The following NAA38 variants were observed in gnomAD, a reference collection of about 807,000 sequenced individuals.
NAA38 encodes the protein N-alpha-acetyltransferase 38, NatC auxiliary subunit, also known as LSM domain containing 1.
Under a neutral mutation model 12.6 loss-of-function variants are expected in NAA38, and 15 were observed. The observed-to-expected ratio is 1.19, with a 90% CI of 0.79 to 1.83. NAA38 has a LOEUF of 1.83. Ranked by LOEUF, NAA38 falls within the 40% of genes most tolerant of loss-of-function variation. NAA38 has a pLI of 0.00. For missense variants in NAA38, 183 were observed against 171.7 expected (o/e 1.07, Z -0.37); for synonymous variants, 88 against 69.9 (o/e 1.26, Z -1.29).
At chr17:7,875,352 T>C (rs74906508) in intron 2 of NAA38, among the ~76,000 whole-genome samples, 1 of 152,118 alleles carries the variant, frequency 6.6e-6, no homozygotes, top group Non-Finnish European at 1.5e-5. Flanking sequence ...GTTTTTTTTT[T>C]AGAGACAGAG....
intron 2 of NAA38, among the ~76,000 whole-genome samples, chr17:7,874,339 G>C (rs558368026): frequency 1.3e-5 from 2 of 152,212 alleles, no homozygotes; most frequent in East Asian, 3.9e-4. Flanking sequence ...TGGCTAGAAA[G>C]GTCTCTGGAA....
intron 2 of NAA38, among the ~76,000 whole-genome samples, chr17:7,873,387 C>T (rs968878675): frequency 1.3e-5 from 2 of 152,040 alleles, no homozygotes; most frequent in African/African-American, 4.8e-5. Context: ...TTTTCAGCAA[C>T]CAGGAGGTTG....
At chr17:7,880,661 CTG>C (rs144987301) in intron 2 of NAA38, among the ~76,000 whole-genome samples, 5,239 of 152,298 alleles carry the variant, frequency 0.034, 135 homozygotes, top group South Asian at 0.1. Context: ...TCTACCTACT[CTG>C]TGTGCATGTA....
chr17:7,876,298 C>T (rs574849989), intron 2 of NAA38, among the ~76,000 whole-genome samples: 1 of 152,218 alleles, frequency 6.6e-6, no homozygotes, highest in African/African-American at 2.4e-5. Context: ...ACCATAACAA[C>T]ACTACCTGGT....
At chr17:7,861,272 T>C (rs1279100873), upstream of NAA38, 4 of 152,088 alleles carry the variant, frequency 2.6e-5, no homozygotes, top group Non-Finnish European at 5.9e-5. Context: ...TGGTGGGCTA[T>C]ATAGGCATTT....
intron 2 of NAA38, chr17:7,866,611 G>C (rs1966988019): frequency 2.2e-6 from 2 of 910,114 alleles, no homozygotes; most frequent in Non-Finnish European, 2.9e-6. Context: ...CTGTTCCTCT[G>C]TGTGGAACAA....
upstream of NAA38, chr17:7,857,768 G>A: frequency 1.6e-6 from 2 of 1,273,214 alleles, no homozygotes; most frequent in Non-Finnish European, 2.0e-6. Context: ...CTCCTCCCTT[G>A]TTTTTCTGTC....
In NAA38 at chr17:7,880,435, G is replaced by C. The variant is rs372801082; in HGVS notation, c.-66+2800C>G. ...AAGTTTTATTATCATCTTTTTCAAA[G>C]AGACCTGGTTAGAGGTTGTGTCTTT... On this transcript the variant is annotated intron_variant, in intron 2 of 4. Coordinates refer to the NAA38 transcript ENST00000576861. 4.9e-4 allele frequency among the ~76,000 whole-genome samples: 74 copies of C among 152,272 alleles called. 1 individual carries two copies. The highest frequency in any genetic ancestry group is 1.6e-3 in the African/African-American group (67 of 41,556).
Position 7,857,162 on chromosome 17 carries a change from G to T in NAA38, c.118C>A (p.Arg40Ser), listed in dbSNP as rs375549790. 3.5e-4 allele frequency: 569 copies of T among 1,612,906 alleles called. 7 individuals carry two copies. In the South Asian group the frequency reaches 6.1e-3, roughly 17 times the overall value. The change falls in exon 2 of 3, where the codon CGC becomes AGC. Residue 40 changes from arginine to serine, a missense_variant. Coordinates refer to ENST00000575771, the MANE Select transcript of NAA38 (RefSeq NM_001320925.4). ...DGEREDSAAE[R>S]ARQQLEALLN... Reference sequence around the variant, plus strand: ...AGCGCCTCTAGCTGCTGTCGGGCGCGCTCAGCCGCCGAGTCCTCGCGCTCT... The same window carrying T: ...AGCGCCTCTAGCTGCTGTCGGGCGCTCTCAGCCGCCGAGTCCTCGCGCTCT...
At chr17:7,874,218 A>T (rs765630191) in intron 2 of NAA38, among the ~76,000 whole-genome samples, 1 of 152,202 alleles carries the variant, frequency 6.6e-6, no homozygotes, top group Non-Finnish European at 1.5e-5. Flanking sequence ...TGGGTCCAAG[A>T]ACAGAGTAGA....
intron 2 of NAA38, among the ~76,000 whole-genome samples, chr17:7,870,132 T>G (rs959411279): frequency 1.3e-5 from 2 of 152,142 alleles, no homozygotes; most frequent in African/African-American, 4.8e-5. Context: ...TGGTGGCCCC[T>G]GTGCTTGTAA....
At position 7,857,383 on chromosome 17, in the gene NAA38, C is replaced by T. The variant is rs1391769681; in HGVS notation, c.81G>A (p.Gly27=). ...CSRRQSSSSA[G]DSDGEREDSA... ...TCCCAGAACCAGAGCCCGTGCTAAC[C>T]CCAGCACTGGAGCTGCTCTGACGCC... The change falls in exon 1 of 3, where the codon GGG becomes GGA. Residue 27 remains glycine, a splice_region_variant and synonymous_variant. Transcript: ENST00000575771. 1 of 1,612,232 alleles carries T rather than the reference C, an allele frequency of 6.2e-7. No homozygotes were observed. Among genetic ancestry groups the T allele is most frequent in the Admixed American group, 1.7e-5 (1 of 59,680 alleles).
chr17:7,872,245 C>T (rs1046794784), intron 2 of NAA38, among the ~76,000 whole-genome samples: 13 of 152,162 alleles, frequency 8.5e-5, no homozygotes, highest in African/African-American at 3.1e-4. Flanking sequence ...CACGTTGATG[C>T]TTGTTGTACG....
chr17:7,858,229 A>C, upstream of NAA38: 1 of 1,613,198 alleles, frequency 6.2e-7, no homozygotes, highest in Non-Finnish European at 8.5e-7. Context: ...AACAGGCCCG[A>C]AGACCTCTGG....
chr17:7,868,253 C>T (rs913891636), intron 2 of NAA38, among the ~76,000 whole-genome samples: 2 of 151,934 alleles, frequency 1.3e-5, no homozygotes, highest in Non-Finnish European at 2.9e-5. Context: ...GCCACAGAAG[C>T]CAAAGAGAGA....
At chr17:7,878,759 G>A (rs1967219947) in intron 2 of NAA38, among the ~76,000 whole-genome samples, 1 of 152,062 alleles carries the variant, frequency 6.6e-6, no homozygotes, top group African/African-American at 2.4e-5. Context: ...TTAAAATGTT[G>A]TATAATTATA....
At chr17:7,858,377 A>T (rs775434588), upstream of NAA38, 17 of 1,613,990 alleles carry the variant, frequency 1.1e-5, no homozygotes, top group Non-Finnish European at 1.4e-5. Context: ...GCTGGCATTG[A>T]CAGTGGCTGT....
At chr17:7,870,138 T>C (rs989214051) in intron 2 of NAA38, among the ~76,000 whole-genome samples, 1 of 152,174 alleles carries the variant, frequency 6.6e-6, no homozygotes, top group Non-Finnish European at 1.5e-5. Flanking sequence ...CCCCTGTGCT[T>C]GTAACCCCAG....
chr17:7,873,194 G>T (rs1283662102), intron 2 of NAA38, among the ~76,000 whole-genome samples: 1 of 152,184 alleles, frequency 6.6e-6, no homozygotes, highest in African/African-American at 2.4e-5. Flanking sequence ...TGTCTCCCAA[G>T]CCCAGGTTCT....
Sources: gnomAD v4.1 joint callset for allele counts (sites outside exome capture counted in the v4.1 genomes callset) on GRCh38, gnomAD v4.1.1 for gene constraint, MANE v1.5 for transcripts, NCBI Gene and HGNC (gene_info 2026-07-23, HGNC 2026-07-21) for gene names.